SOX5: variants seen among roughly 807,000 people sequenced by gnomAD.
SOX5 encodes the protein SRY-box transcription factor 5.
SOX5 carries 9 observed loss-of-function variants against 92.0 expected under a neutral mutation model. The observed-to-expected ratio is 0.10, with a 90% CI of 0.06 to 0.17. The LOEUF (loss-of-function observed/expected upper bound fraction) is 0.17. SOX5 is among the 10% of genes least tolerant of loss of function. The pLI is 1.00. For synonymous variants in SOX5, 344 were observed against 336.3 expected, an observed-to-expected ratio of 1.02 and a Z score of -0.25; for missense variants, 642 against 944.5, an observed-to-expected ratio of 0.68 and a Z score of 4.20.
intron 6 of SOX5, among the ~76,000 whole-genome samples, chr12:23,669,735 T>C (rs2084441291): frequency 6.6e-6 from 1 of 152,128 alleles, no homozygotes; most frequent in Non-Finnish European, 1.5e-5. Flanking sequence ...GTTTACTTGA[T>C]GTCACTCTAC....
At chr12:24,211,481 T>A (rs1958606562) in intron 4 of SOX5, among the ~76,000 whole-genome samples, 1 of 152,242 alleles carries the variant, frequency 6.6e-6, no homozygotes, top group African/African-American at 2.4e-5. Context: ...GGGAAATGAC[T>A]CTATCAAAAA....
chr12:24,562,115 CCCACCTCTCCG>C (rs1249763796), intron 1 of SOX5, among the ~76,000 whole-genome samples: 2 of 152,212 alleles, frequency 1.3e-5, no homozygotes, highest in African/African-American at 4.8e-5. Flanking sequence ...CGGGCCGCCT[CCCACCTCTCCG>C]CCACCCCCAG....
chr12:23,880,520 T>C (rs1049871303), intron 2 of SOX5, among the ~76,000 whole-genome samples: 1 of 152,190 alleles, frequency 6.6e-6, no homozygotes, highest in Non-Finnish European at 1.5e-5. Flanking sequence ...AATATCTGCA[T>C]CCTGAAGAGG....
At chr12:24,119,279 G>A (rs1488334766) in intron 4 of SOX5, among the ~76,000 whole-genome samples, 2 of 152,034 alleles carry the variant, frequency 1.3e-5, no homozygotes, top group African/African-American at 2.4e-5. Context: ...AAAACATTGA[G>A]TAGAATTTTC....
At chr12:24,279,733 T>A (rs1469325356) in intron 2 of SOX5, among the ~76,000 whole-genome samples, 2 of 152,112 alleles carry the variant, frequency 1.3e-5, no homozygotes, top group African/African-American at 2.4e-5. Flanking sequence ...ATAAAACGAA[T>A]TCATCAACTT....
At chr12:24,261,256 A>G (rs16927366) in intron 3 of SOX5, among the ~76,000 whole-genome samples, 3,178 of 152,244 alleles carry the variant, frequency 0.021, 116 homozygotes, top group African/African-American at 0.073. Flanking sequence ...ACTCCAGTCA[A>G]TGTGACTAAA....
intron 1 of SOX5, among the ~76,000 whole-genome samples, chr12:23,897,402 A>G (rs2097188395): frequency 6.6e-6 from 1 of 152,180 alleles, no homozygotes; most frequent in Admixed American, 6.5e-5. Flanking sequence ...AGTCGGAATG[A>G]AAATACTGAT....
chr12:23,588,908 C>T (rs1951128142), intron 9 of SOX5, among the ~76,000 whole-genome samples: 1 of 151,926 alleles, frequency 6.6e-6, no homozygotes, highest in Admixed American at 6.6e-5. Flanking sequence ...CATTTTGTTA[C>T]ACCTGCCTAC....
In SOX5 at chr12:24,306,680, T is replaced by A. The variant is rs141640576; in HGVS notation, c.-173-29368A>T. Among the ~76,000 whole-genome samples the A allele has an allele frequency of 6.6e-5, 10 of 152,148 alleles. No individual in the cohort carries two copies. In the East Asian group the frequency reaches 1.9e-3, roughly 29 times the overall value. Reference sequence around the variant, plus strand: ...AAACATGGAGCATTTTCCTCTCACATCCAAGATAGCCAAAACCCAGAGAGG... The same window carrying A: ...AAACATGGAGCATTTTCCTCTCACAACCAAGATAGCCAAAACCCAGAGAGG... On this transcript the variant is annotated intron_variant, in intron 2 of 4. Coordinates refer to the SOX5 transcript ENST00000446891.
chr12:24,010,364 T>C (rs1952774504), intron 4 of SOX5, among the ~76,000 whole-genome samples: 1 of 152,144 alleles, frequency 6.6e-6, no homozygotes, highest in South Asian at 2.1e-4. Flanking sequence ...TGAATATGTG[T>C]GTATGGAGGA....
chr12:24,409,847 T>A (rs1294386054), intron 1 of SOX5, among the ~76,000 whole-genome samples: 1 of 152,226 alleles, frequency 6.6e-6, no homozygotes, highest in East Asian at 1.9e-4. Context: ...TAATTGGATT[T>A]CTCTTTTTTA....
intron 3 of SOX5, among the ~76,000 whole-genome samples, chr12:23,837,009 T>C (rs764515364): frequency 1.1e-4 from 16 of 151,020 alleles, no homozygotes; most frequent in Non-Finnish European, 1.0e-4. Context: ...TCTGATACTA[T>C]GTTGCATCAC....
chr12:23,734,075 A>T (rs1376233478), intron 6 of SOX5, among the ~76,000 whole-genome samples: 1 of 152,226 alleles, frequency 6.6e-6, no homozygotes, highest in East Asian at 1.9e-4. Flanking sequence ...TGGAAACAAG[A>T]CATCACTGGA....
intron 4 of SOX5, among the ~76,000 whole-genome samples, chr12:24,212,214 T>C (rs1958696214): frequency 1.3e-5 from 2 of 152,336 alleles, no homozygotes; most frequent in Non-Finnish European, 2.9e-5. Context: ...AGGAGTGTTC[T>C]CTCAAGGTAC....
intron 4 of SOX5, among the ~76,000 whole-genome samples, chr12:24,148,851 T>C (rs1049432476): frequency 6.8e-6 from 1 of 148,040 alleles, no homozygotes; most frequent in Non-Finnish European, 1.5e-5. Flanking sequence ...GATCACACCA[T>C]TGCACCACAG....
intron 3 of SOX5, among the ~76,000 whole-genome samples, chr12:23,816,489 C>A (rs754259766): frequency 6.6e-6 from 1 of 152,022 alleles, no homozygotes; most frequent in Non-Finnish European, 1.5e-5. Flanking sequence ...TGAGCCACTG[C>A]GCCTAGCCAG....
chr12:24,355,282 C>CAATTTTTTTTTTTTTTTTTTTT (rs1221012836), intron 2 of SOX5, among the ~76,000 whole-genome samples: 1 of 71,920 alleles, frequency 1.4e-5, no homozygotes, highest in Non-Finnish European at 2.3e-5. Flanking sequence ...AGGGGTGCAT[C>CAATTTTTTTTTTTTTTTTTTTT]TTTTTTTTTT....
intron 4 of SOX5, among the ~76,000 whole-genome samples, chr12:24,207,975 G>T (rs1958193410): frequency 6.6e-6 from 1 of 152,084 alleles, no homozygotes. Context: ...TTTTAAAAAA[G>T]AATAAATCAG....
At chr12:24,528,301 A>T (rs967593054) in intron 1 of SOX5, among the ~76,000 whole-genome samples, 1 of 151,642 alleles carries the variant, frequency 6.6e-6, no homozygotes, top group African/African-American at 2.4e-5. Context: ...ATAAACAGGA[A>T]TTTTTTTTTC....
Sources: allele counts gnomAD v4.1 joint callset (sites outside exome capture counted in the v4.1 genomes callset), GRCh38; gene constraint gnomAD v4.1.1; transcripts MANE v1.5; gene names NCBI Gene and HGNC (gene_info 2026-07-23, HGNC 2026-07-21).